SLCO4C1: variants seen among roughly 807,000 people sequenced by gnomAD.
The protein encoded by SLCO4C1 is solute carrier organic anion transporter family member 4C1, also known as organic anion transporter M1.
SLCO4C1 carries 58 observed loss-of-function variants against 72.1 expected under a neutral mutation model. That is an observed-to-expected ratio of 0.80 (90% confidence interval 0.65 to 1.00). The LOEUF is 1.00. Among genes scored for constraint, SLCO4C1 ranks in the 50% least tolerant of loss-of-function variants. The pLI is 0.00. For missense variants in SLCO4C1, 898 were observed against 857.9 expected (o/e 1.05, Z -0.58); for synonymous variants, 297 against 312.5 (o/e 0.95, Z 0.52).
chr5:102,269,764 T>A (rs1749114192), intron 3 of SLCO4C1, among the ~76,000 whole-genome samples: 1 of 152,198 alleles, frequency 6.6e-6, no homozygotes, highest in African/African-American at 2.4e-5. Context: ...TGCTTTTTCA[T>A]GTTTTTGCTT....
chr5:102,291,970 C>A (rs1749565268), intron 1 of SLCO4C1, among the ~76,000 whole-genome samples: 1 of 151,916 alleles, frequency 6.6e-6, no homozygotes, highest in Non-Finnish European at 1.5e-5. Flanking sequence ...TACACGCATG[C>A]ACCACCACAC....
rs113937761 is a variant in SLCO4C1 at position 102,262,111 on chromosome 5, T to C, written c.900-78A>G. 5.7e-5 allele frequency: 70 copies of C among 1,232,466 alleles called. No individual in the cohort carries two copies. The African/African-American group carries it at 8.3e-4, about 15-fold the overall frequency. 76.3% of individuals were successfully genotyped at this position (1,232,466 alleles called of 1,614,324 possible). A position where few individuals can be genotyped will look rare whatever the true frequency, so the allele number is the denominator to read the frequency against. Reference sequence around the variant, plus strand: ...ACTCAGTTAGGATAATCATATACTTTATACTTCAAGTGCATATAGTAGAAT... The same window carrying C: ...ACTCAGTTAGGATAATCATATACTTCATACTTCAAGTGCATATAGTAGAAT... On this transcript the variant is annotated intron_variant, in intron 4 of 12. Coordinates refer to ENST00000310954, the MANE Select transcript of SLCO4C1 (RefSeq NM_180991.5).
intron 11 of SLCO4C1, among the ~76,000 whole-genome samples, chr5:102,240,204 T>C (rs2112333221): frequency 6.6e-6 from 1 of 152,232 alleles, no homozygotes; most frequent in South Asian, 2.1e-4. Flanking sequence ...AACTTTTTGT[T>C]TTTGCTTTAA....
At chr5:102,249,268 A>G (rs750126920) in intron 9 of SLCO4C1, among the ~76,000 whole-genome samples, 1 of 152,136 alleles carries the variant, frequency 6.6e-6, no homozygotes, top group Non-Finnish European at 1.5e-5. Context: ...TGCTGACTTA[A>G]AGCGAGTTCT....
At chr5:102,251,058 TC>T (rs1748730720) in intron 8 of SLCO4C1, among the ~76,000 whole-genome samples, 1 of 151,962 alleles carries the variant, frequency 6.6e-6, no homozygotes, top group Non-Finnish European at 1.5e-5. Flanking sequence ...GAAACGTACT[TC>T]AGAAAAAGCT....
rs533459695 is a variant in SLCO4C1 at position 102,281,474 on chromosome 5, C to T, written c.619+9869G>A. On this transcript the variant is annotated intron_variant, in intron 2 of 12. Coordinates refer to ENST00000310954, the MANE Select transcript of SLCO4C1 (RefSeq NM_180991.5). ...TATTTAAATTGAAAATTTTCACTCT[C>T]TGAAAGACCCTGTTAAGAGGATGAA... Among the ~76,000 whole-genome samples, 513 of 152,166 alleles carry T rather than the reference C, an allele frequency of 3.4e-3. 2 individuals carry two copies. The highest frequency in any genetic ancestry group is 0.012 in the African/African-American group (492 of 41,528).
intron 2 of SLCO4C1, among the ~76,000 whole-genome samples, chr5:102,286,107 G>C (rs1293176306): frequency 6.6e-6 from 1 of 151,928 alleles, no homozygotes; most frequent in African/African-American, 2.4e-5. Context: ...CATAACCAAA[G>C]TCCTTTGATG....
intron 10 of SLCO4C1, among the ~76,000 whole-genome samples, chr5:102,243,545 C>T (rs570408465): frequency 2.2e-4 from 33 of 152,254 alleles, no homozygotes; most frequent in Non-Finnish European, 3.7e-4. Context: ...CCTTCGGGTG[C>T]CCCTTAAAGC....
At chr5:102,261,751 T>C (rs1748948017) in intron 5 of SLCO4C1, among the ~76,000 whole-genome samples, 161 bp downstream of exon 5, 1 of 152,122 alleles carries the variant, frequency 6.6e-6, no homozygotes, top group Admixed American at 6.6e-5. Context: ...TGTTACCCAA[T>C]ATTTTCTAGA....
intron 2 of SLCO4C1, 26 bp from the exon 3 acceptor site, chr5:102,270,832 T>A: frequency 6.6e-7 from 1 of 1,517,540 alleles, no homozygotes; most frequent in Non-Finnish European, 8.9e-7. Flanking sequence ...AATTGTGAAT[T>A]TATAGAAATT....
At chr5:102,238,105 A>G (rs1053437617) in intron 12 of SLCO4C1, among the ~76,000 whole-genome samples, 2 of 152,174 alleles carry the variant, frequency 1.3e-5, no homozygotes, top group African/African-American at 4.8e-5. Context: ...TTACTAGACT[A>G]TAGAATGATT....
At chr5:102,261,552 T>C (rs1353572045) in intron 5 of SLCO4C1, among the ~76,000 whole-genome samples, 1 of 149,636 alleles carries the variant, frequency 6.7e-6, no homozygotes, top group Non-Finnish European at 1.5e-5. Context: ...TTAACATGAA[T>C]GATTTAAGAC....
At chr5:102,286,686 C>T (rs1393162799) in intron 2 of SLCO4C1, among the ~76,000 whole-genome samples, 1 of 151,990 alleles carries the variant, frequency 6.6e-6, no homozygotes, top group Non-Finnish European at 1.5e-5. Flanking sequence ...CCACAACTTC[C>T]CTTTGATCAT....
intron 11 of SLCO4C1, among the ~76,000 whole-genome samples, chr5:102,239,925 T>C (rs1748508475): frequency 6.6e-6 from 1 of 152,062 alleles, no homozygotes; most frequent in African/African-American, 2.4e-5. Context: ...CAAGAGGCCA[T>C]GAGGTACTCA....
chr5:102,250,153 C>G (rs1221988373), intron 8 of SLCO4C1, among the ~76,000 whole-genome samples: 1 of 152,166 alleles, frequency 6.6e-6, no homozygotes, highest in Non-Finnish European at 1.5e-5. Context: ...TCCTTCATTA[C>G]AGCAACCAAA....
chr5:102,272,948 AAAAGAAAGAAAG>A (rs376676176), intron 2 of SLCO4C1, among the ~76,000 whole-genome samples: 2 of 151,848 alleles, frequency 1.3e-5, no homozygotes, highest in Non-Finnish European at 2.9e-5. Flanking sequence ...TCATCTCAAA[AAAAGAAAGAAAG>A]AAAGAAAGAA....
At chr5:102,294,992 T>G (rs841922) in intron 1 of SLCO4C1, among the ~76,000 whole-genome samples, 115,274 of 152,140 alleles carry the variant, frequency 0.76, 44,135 homozygotes, top group African/African-American at 0.88. Flanking sequence ...ATATCTACAT[T>G]CCAATTCAGC....
intron 11 of SLCO4C1, 63 bp from the exon 12 acceptor site, chr5:102,239,451 T>G (rs1348340917): frequency 8.4e-7 from 1 of 1,196,022 alleles, no homozygotes; most frequent in African/African-American, 1.6e-5. Context: ...ACAGATCTTT[T>G]TATACATGAT....
intron 11 of SLCO4C1, among the ~76,000 whole-genome samples, chr5:102,239,955 A>T (rs1748508944): frequency 6.6e-6 from 1 of 152,064 alleles, no homozygotes; most frequent in South Asian, 2.1e-4. Context: ...TAGTTAAGAA[A>T]CTTCCAATTA....
Sources: allele counts gnomAD v4.1 joint callset (sites outside exome capture counted in the v4.1 genomes callset), GRCh38; gene constraint gnomAD v4.1.1; transcripts MANE v1.5; gene names NCBI Gene and HGNC (gene_info 2026-07-23, HGNC 2026-07-21).